The following ITIH5 variants were observed in gnomAD, a reference collection of about 807,000 sequenced individuals.
The protein encoded by ITIH5 is inter-alpha-trypsin inhibitor heavy chain H5.
A neutral mutation model predicts 77.5 loss-of-function variants in ITIH5; 65 were observed. The observed-to-expected ratio is 0.84, with a 90% CI of 0.69 to 1.03. The LOEUF (loss-of-function observed/expected upper bound fraction) is 1.03. Ranked by LOEUF, ITIH5 falls within the 50% of genes least tolerant of loss-of-function variation. The pLI, the probability that ITIH5 is intolerant of heterozygous loss-of-function variation, is 0.00. For missense variants in ITIH5, 1,208 were observed against 1,213.1 expected (o/e 1.00, Z 0.06); for synonymous variants, 525 against 494.3 (o/e 1.06, Z -0.82).
chr10:7,653,094 T>C (rs1834126169), intron 2 of ITIH5, among the ~76,000 whole-genome samples: 1 of 151,902 alleles, frequency 6.6e-6, no homozygotes, highest in African/African-American at 2.4e-5. Flanking sequence ...TTTAAAAGAG[T>C]AATTATATCA....
At chr10:7,627,070 G>A (rs114550649) in intron 5 of ITIH5, among the ~76,000 whole-genome samples, 2,227 of 152,264 alleles carry the variant, frequency 0.015, 40 homozygotes, top group African/African-American at 0.039. Context: ...GACAACCGAA[G>A]TCTTCACAGC....
At chr10:7,594,776 G>A (rs1832861930) in intron 7 of ITIH5, among the ~76,000 whole-genome samples, 1 of 152,160 alleles carries the variant, frequency 6.6e-6, no homozygotes, top group Non-Finnish European at 1.5e-5. Context: ...ACTCCTGGCT[G>A]GGAAGCCAGT....
At chr10:7,619,852 AC>A (rs1833444540) in intron 5 of ITIH5, 2 of 157,070 alleles carry the variant, frequency 1.3e-5, no homozygotes, top group South Asian at 3.5e-4. Flanking sequence ...ACAGAGCCAA[AC>A]CATATCAATT....
rs576317365 is a variant in ITIH5 at position 7,594,149 on chromosome 10, G to A, written c.940-8080C>T. Among the ~76,000 whole-genome samples the A allele has an allele frequency of 3.9e-5, 6 of 152,334 alleles. No homozygotes were observed. In the South Asian group the frequency reaches 1.2e-3, roughly 32 times the overall value. ...GGATGCCCAGAGAGGCAGAAGTTGT[G>A]TCCTCTGAGCCTGTCCAGAGGAAAA... On this transcript the variant is annotated intron_variant, in intron 7 of 13. Coordinates refer to ENST00000397146, the MANE Select transcript of ITIH5 (RefSeq NM_030569.7).
Position 7,629,206 on chromosome 10 carries a change from CGT to C in ITIH5, c.652+8020_652+8021del, listed in dbSNP as rs1428450272. On this transcript the variant is annotated intron_variant, in intron 5 of 13. Transcript: ENST00000397146. ...GTTTTCACATGTGTCCCTGTTGTAGCGTGTGTCCCTGTTGTAGCGTGTGCCCA... is the reference window on the plus strand; with the variant it reads ...GTTTTCACATGTGTCCCTGTTGTAGCGTGTCCCTGTTGTAGCGTGTGCCCA... 4.2e-5 allele frequency among the ~76,000 whole-genome samples: 5 copies of C among 118,958 alleles called. 1 individual carries two copies. Among genetic ancestry groups the C allele is most frequent in the East Asian group, 2.3e-4 (1 of 4,306 alleles). The allele number at this position is 118,958 out of a possible 152,430, so 78.0% of individuals were successfully genotyped here.
Position 7,562,767 on chromosome 10 carries a change from G to T in ITIH5, c.*316C>A, listed in dbSNP as rs1245689344. 3.0e-6 allele frequency: 1 copy of T among 329,252 alleles called. No individual in the cohort carries two copies. Among genetic ancestry groups the T allele is most frequent in the Admixed American group, 4.1e-5 (1 of 24,264 alleles). The allele number at this position is 329,252 out of a possible 1,614,324, so 20.4% of individuals were successfully genotyped here. A position where few individuals can be genotyped will look rare whatever the true frequency, so the allele number is the denominator to read the frequency against. ...TACTTTATGATATGCTAACAGAACA[G>T]AAAAGCAGGTTGGGACAAGATACAG... On this transcript the variant is annotated 3_prime_UTR_variant, in exon 14 of 14. Coordinates refer to ENST00000397146, the MANE Select transcript of ITIH5 (RefSeq NM_030569.7).
Position 7,559,852 on chromosome 10 carries a change from G to C in ITIH5, c.*3231C>G, listed in dbSNP as rs866600273. On this transcript the variant is annotated 3_prime_UTR_variant, in exon 14 of 14. Coordinates refer to ENST00000397146, the MANE Select transcript of ITIH5 (RefSeq NM_030569.7). ...ACCATCTCTCCCATGTCTTTTTTTT[G>C]TTTTGTTTTGTTTTTTTTTGACGGA... 1 of 369,632 alleles carries C rather than the reference G, an allele frequency of 2.7e-6. No individual in the cohort carries two copies. Among genetic ancestry groups the C allele is most frequent in the Non-Finnish European group, 5.4e-6 (1 of 186,826 alleles). 22.9% of individuals were successfully genotyped at this position (369,632 alleles called of 1,614,324 possible). A position where few individuals can be genotyped will look rare whatever the true frequency, so the allele number is the denominator to read the frequency against.
chr10:7,625,487 C>T (rs79966137), intron 5 of ITIH5, among the ~76,000 whole-genome samples: 5,985 of 152,094 alleles, frequency 0.039, 417 homozygotes, highest in African/African-American at 0.14. Flanking sequence ...TCAGATGGGC[C>T]GGGCATGTGG....
At chr10:7,644,182 G>A (rs1410796753) in intron 2 of ITIH5, among the ~76,000 whole-genome samples, 1 of 151,764 alleles carries the variant, frequency 6.6e-6, no homozygotes, top group African/African-American at 2.4e-5. Flanking sequence ...ATATTGCAGT[G>A]AGCCAAGATT....
chr10:7,581,342 A>C (rs1356138074), intron 8 of ITIH5, among the ~76,000 whole-genome samples: 3 of 152,154 alleles, frequency 2.0e-5, no homozygotes, highest in Non-Finnish European at 4.4e-5. Flanking sequence ...TTTATCAGGA[A>C]TATGTGGCTT....
chr10:7,626,641 A>G (rs1833583837), intron 5 of ITIH5, among the ~76,000 whole-genome samples: 2 of 152,198 alleles, frequency 1.3e-5, no homozygotes, highest in Non-Finnish European at 2.9e-5. Context: ...GAGTTGCCCG[A>G]TTTAGCAAAT....
chr10:7,627,097 G>C (rs1234131140), intron 5 of ITIH5, among the ~76,000 whole-genome samples: 1 of 151,998 alleles, frequency 6.6e-6, no homozygotes, highest in Non-Finnish European at 1.5e-5. Flanking sequence ...AGATCATGAT[G>C]CTCACAGAGC....
intron 2 of ITIH5, among the ~76,000 whole-genome samples, chr10:7,646,310 T>C (rs955616389): frequency 6.6e-6 from 1 of 152,200 alleles, no homozygotes; most frequent in Non-Finnish European, 1.5e-5. Context: ...ATGCACATGG[T>C]AAAAACTTCT....
intron 2 of ITIH5, among the ~76,000 whole-genome samples, chr10:7,644,398 C>CATATATCACATATATCAT (rs1564277265): frequency 3.2e-5 from 4 of 123,250 alleles, no homozygotes; most frequent in South Asian, 2.7e-4. Flanking sequence ...ACATATATCA[C>CATATATCACATATATCAT]ATATATCACA....
chr10:7,641,009 C>G (rs369550039), intron 3 of ITIH5, among the ~76,000 whole-genome samples, 154 bp from the exon 4 acceptor site: 1 of 152,264 alleles, frequency 6.6e-6, no homozygotes, highest in African/African-American at 2.4e-5. Flanking sequence ...ACCTTTGAAT[C>G]ATTCATTTTA....
intron 7 of ITIH5, among the ~76,000 whole-genome samples, chr10:7,606,217 G>A (rs74539429): frequency 0.12 from 19,010 of 152,136 alleles, 1,796 homozygotes; most frequent in African/African-American, 0.27. Flanking sequence ...AACTGGAAAC[G>A]GAGCTCCTAC....
At chr10:7,578,428 A>G (rs951589179) in intron 9 of ITIH5, 3 of 167,050 alleles carry the variant, frequency 1.8e-5, no homozygotes, top group African/African-American at 7.2e-5. Context: ...GTTACAGCAT[A>G]ACTGCTTTTG....
chr10:7,617,581 C>T, intron 5 of ITIH5: 1 of 205,256 alleles, frequency 4.9e-6, no homozygotes, highest in Non-Finnish European at 9.6e-6. Context: ...CAGCATGTTA[C>T]CAACCTTTTG....
intron 5 of ITIH5, among the ~76,000 whole-genome samples, chr10:7,635,038 C>G (rs1247473723): frequency 6.6e-6 from 1 of 152,142 alleles, no homozygotes; most frequent in African/African-American, 2.4e-5. Context: ...ATCTTCCCAC[C>G]TTGGCCTCCC....
Sources: gnomAD v4.1 joint callset for allele counts (sites outside exome capture counted in the v4.1 genomes callset) on GRCh38, gnomAD v4.1.1 for gene constraint, MANE v1.5 for transcripts, NCBI Gene and HGNC (gene_info 2026-07-23, HGNC 2026-07-21) for gene names.